Variants in SMCO4 observed in about 807,000 individuals in gnomAD.
The protein encoded by SMCO4 is single-pass membrane protein with coiled-coil domains 4.
SMCO4 carries 4 observed loss-of-function variants against 3.6 expected under a neutral mutation model. That is an observed-to-expected ratio of 1.11 (90% CI 0.54 to 2.53). The LOEUF is 2.53. SMCO4 is among the 30% of genes most tolerant of loss of function. The pLI, the probability that SMCO4 is intolerant of heterozygous loss-of-function variation, is 0.02. For synonymous variants in SMCO4, 36 were observed against 35.3 expected (o/e 1.02, Z -0.07); for missense variants, 70 against 80.8 (o/e 0.87, Z 0.51).
intron 2 of SMCO4, among the ~76,000 whole-genome samples, chr11:93,484,016 G>C (rs1038397068): frequency 1.3e-5 from 2 of 152,212 alleles, no homozygotes; most frequent in Non-Finnish European, 2.9e-5. Context: ...CTTCTCAAAT[G>C]CCAGTGCCCC....
At chr11:93,488,824 G>C (rs1396089769) in intron 2 of SMCO4, among the ~76,000 whole-genome samples, 2 of 152,118 alleles carry the variant, frequency 1.3e-5, no homozygotes, top group African/African-American at 4.8e-5. Context: ...CTAAGCCCTG[G>C]AGCAATCCAA....
chr11:93,485,585 C>T (rs1948639324), intron 2 of SMCO4, among the ~76,000 whole-genome samples: 1 of 152,166 alleles, frequency 6.6e-6, no homozygotes, highest in Non-Finnish European at 1.5e-5. Flanking sequence ...TACTGCCTAG[C>T]TGGCTGGGCC....
chr11:93,503,575 C>A (rs1948868331), intron 1 of SMCO4, among the ~76,000 whole-genome samples: 1 of 152,146 alleles, frequency 6.6e-6, no homozygotes, highest in Non-Finnish European at 1.5e-5. Flanking sequence ...AAGCTGTATT[C>A]TTGATTATCT....
chr11:93,494,276 T>A (rs1190332490), intron 2 of SMCO4, among the ~76,000 whole-genome samples: 1 of 152,252 alleles, frequency 6.6e-6, no homozygotes, highest in Non-Finnish European at 1.5e-5. Context: ...ATTTCATACC[T>A]GTTTTAAAGT....
At chr11:93,535,312 C>T (rs1439614010) in intron 1 of SMCO4, among the ~76,000 whole-genome samples, 1 of 152,170 alleles carries the variant, frequency 6.6e-6, no homozygotes, top group East Asian at 1.9e-4. Flanking sequence ...CTGAGCTGAG[C>T]CATGGTCCTT....
intron 2 of SMCO4, among the ~76,000 whole-genome samples, chr11:93,495,877 GC>G (rs1948766888): frequency 6.6e-6 from 1 of 152,162 alleles, no homozygotes; most frequent in Non-Finnish European, 1.5e-5. Context: ...ACCTTTGAGA[GC>G]CTGAGTTATT....
chr11:93,514,374 C>CCATATA (rs1555077516), intron 1 of SMCO4, among the ~76,000 whole-genome samples: 1 of 39,080 alleles, frequency 2.6e-5, no homozygotes, highest in East Asian at 3.5e-4. Flanking sequence ...CAGGATGAGG[C>CCATATA]TATATATATA....
intron 1 of SMCO4, among the ~76,000 whole-genome samples, chr11:93,520,562 T>C (rs1360079769): frequency 2.0e-5 from 3 of 152,208 alleles, no homozygotes; most frequent in African/African-American, 7.2e-5. Context: ...CTAAACTATA[T>C]TGCTTCCAAA....
At chr11:93,532,655 G>A (rs903702998) in intron 1 of SMCO4, among the ~76,000 whole-genome samples, 5 of 152,156 alleles carry the variant, frequency 3.3e-5, no homozygotes, top group Admixed American at 6.5e-5. Flanking sequence ...AGACACAGGG[G>A]AATGCCATGA....
intron 1 of SMCO4, among the ~76,000 whole-genome samples, chr11:93,523,779 G>C (rs930327349): frequency 6.6e-6 from 1 of 152,144 alleles, no homozygotes; most frequent in Non-Finnish European, 1.5e-5. Context: ...AAAATACCCC[G>C]CTTTCTAAAA....
chr11:93,535,954 G>A, intron 1 of SMCO4: 1 of 1,449,844 alleles, frequency 6.9e-7, no homozygotes, highest in Non-Finnish European at 9.3e-7. Context: ...GGAAAGAATA[G>A]TTGCAGTGTT....
At chr11:93,536,664 T>C (rs984716751) in intron 1 of SMCO4, among the ~76,000 whole-genome samples, 9 of 152,202 alleles carry the variant, frequency 5.9e-5, no homozygotes, top group African/African-American at 2.2e-4. Context: ...CTGGAGGAGC[T>C]GGCACCTGGG....
intron 1 of SMCO4, among the ~76,000 whole-genome samples, chr11:93,507,316 C>T (rs961620143): frequency 6.6e-6 from 1 of 152,146 alleles, no homozygotes; most frequent in African/African-American, 2.4e-5. Context: ...ATGAGAATCA[C>T]TTGAACCCGG....
intron 2 of SMCO4, among the ~76,000 whole-genome samples, chr11:93,486,910 C>G (rs572945119): frequency 6.6e-5 from 10 of 152,304 alleles, no homozygotes; most frequent in Middle Eastern, 6.8e-3. Flanking sequence ...AAGGCGCTCC[C>G]TAAGAAGTGG....
chr11:93,507,683 C>T (rs1322717005), intron 1 of SMCO4, among the ~76,000 whole-genome samples: 1 of 152,150 alleles, frequency 6.6e-6, no homozygotes, highest in African/African-American at 2.4e-5. Flanking sequence ...GTTTCAGAGT[C>T]TATGTTGCAA....
chr11:93,509,475 C>T (rs1948938604), intron 1 of SMCO4, among the ~76,000 whole-genome samples: 1 of 152,000 alleles, frequency 6.6e-6, no homozygotes, highest in East Asian at 1.9e-4. Context: ...CAGTATCTAC[C>T]CAGAGGAAAA....
At chr11:93,483,575 CCTT>C (rs1207686238) in intron 2 of SMCO4, among the ~76,000 whole-genome samples, 2 of 152,174 alleles carry the variant, frequency 1.3e-5, no homozygotes, top group Non-Finnish European at 2.9e-5. Context: ...ACACTCTCCT[CCTT>C]CTAGTCGAGT....
intron 1 of SMCO4, among the ~76,000 whole-genome samples, chr11:93,503,266 G>A (rs2605616): frequency 0.02 from 3,016 of 152,298 alleles, 62 homozygotes; most frequent in Non-Finnish European, 0.026. Context: ...TGTCTTACAC[G>A]GTGGCAGACA....
chr11:93,535,465 C>G (rs1323846134), intron 1 of SMCO4: 1 of 1,383,538 alleles, frequency 7.2e-7, no homozygotes, highest in South Asian at 1.2e-5. Context: ...CCAGAGTCGC[C>G]GCGATGGTGT....
Sources: allele counts gnomAD v4.1 joint callset (sites outside exome capture counted in the v4.1 genomes callset), GRCh38; gene constraint gnomAD v4.1.1; transcripts MANE v1.5; gene names NCBI Gene and HGNC (gene_info 2026-07-23, HGNC 2026-07-21).